The following RPUSD4 variants were observed in gnomAD, a reference collection of about 807,000 sequenced individuals.
RPUSD4 encodes the protein pseudouridylate synthase RPUSD4, mitochondrial.
In RPUSD4, 37 loss-of-function variants were observed where a neutral mutation model predicts 35.4. The ratio of observed to expected loss-of-function variants is 1.04; its 90% CI spans 0.80 to 1.37. The LOEUF (loss-of-function observed/expected upper bound fraction) is 1.37. Among genes scored for constraint, RPUSD4 ranks in the 40% most tolerant of loss-of-function variants. The probability of loss-of-function intolerance (pLI) is 0.00; values close to 1 mark genes in which losing one functional copy is unlikely to be tolerated. For synonymous variants in RPUSD4, 210 were observed against 192.7 expected, an observed-to-expected ratio of 1.09 and a Z score of -0.74; for missense variants, 507 against 484.9, an observed-to-expected ratio of 1.05 and a Z score of -0.43.
rs763986279 is a variant in RPUSD4 at position 126,210,861 on chromosome 11, T to C, written c.355+29A>G. On this transcript the variant is annotated intron_variant, in intron 2 of 6. Coordinates refer to ENST00000298317, the MANE Select transcript of RPUSD4 (RefSeq NM_032795.3). ...GGTTGTAGCAGAAAGCAGCTGCAGGTTCCTCCACCTTTCCCGCGTGGTCCT... is the reference window on the plus strand; with the variant it reads ...GGTTGTAGCAGAAAGCAGCTGCAGGCTCCTCCACCTTTCCCGCGTGGTCCT... 3.8e-6 allele frequency: 6 copies of C among 1,594,986 alleles called. No homozygotes were observed. The South Asian group carries it at 6.7e-5, about 18-fold the overall frequency.
intron 3 of RPUSD4, chr11:126,209,084 T>A (rs1361100767): frequency 6.4e-6 from 1 of 156,468 alleles, no homozygotes; most frequent in Non-Finnish European, 1.4e-5. Context: ...CTCAAACTCC[T>A]GGGCTCAAGT....
Position 126,211,538 on chromosome 11 carries a change from G to C in RPUSD4, c.101C>G (p.Ala34Gly), listed in dbSNP as rs755459209. 3.7e-6 allele frequency: 6 copies of C among 1,614,256 alleles called. No homozygotes were observed. The South Asian group carries it at 4.4e-5, about 12-fold the overall frequency. ...ATTTATGGCCGTAGAGGCAGCGGCA[G>C]CGGCACAAAATGGCTTTGAGACGAG... The part of the protein sequence containing the change: ...FTLVSKPFCA[A>G]AAASTAINAQ... The change falls in exon 1 of 7, where the codon GCT becomes GGT. Residue 34 changes from alanine to glycine, a missense_variant. Physicochemically the swap from Ala to Gly is moderately conservative, Grantham distance 60. Coordinates refer to ENST00000298317, the MANE Select transcript of RPUSD4 (RefSeq NM_032795.3).
chr11:126,202,328 G>A lies in RPUSD4; in HGVS notation c.*1090C>T, dbSNP rs1444747204. 6.6e-6 allele frequency: 1 copy of A among 152,258 alleles called. No homozygotes were observed. The highest frequency in any genetic ancestry group is 1.5e-5 in the Non-Finnish European group (1 of 68,060). The allele number at this position is 152,258 out of a possible 1,614,324, so 9.4% of individuals were successfully genotyped here. A position where few individuals can be genotyped will look rare whatever the true frequency, so the allele number is the denominator to read the frequency against. On this transcript the variant is annotated 3_prime_UTR_variant, in exon 7 of 7. Coordinates refer to ENST00000298317, the MANE Select transcript of RPUSD4 (RefSeq NM_032795.3). ...TGGACCAGCTGAGCAGGGAGGCCAAGGTCATTTCCATCTATCCCTAATGGT... is the reference window on the plus strand; with the variant it reads ...TGGACCAGCTGAGCAGGGAGGCCAAAGTCATTTCCATCTATCCCTAATGGT...
chr11:126,211,131 G>A, intron 1 of RPUSD4, 76 bp from the exon 2 acceptor site: 1 of 1,508,948 alleles, frequency 6.6e-7, no homozygotes, highest in Non-Finnish European at 9.1e-7. Context: ...AGGTCTGGGT[G>A]AGAATCTGAG....
rs747071058 is a variant in RPUSD4 at position 126,203,614 on chromosome 11, G to A, written c.938C>T (p.Ser313Leu). The A allele has an allele frequency of 2.3e-5, 37 of 1,613,998 alleles. No individual in the cohort carries two copies. Among genetic ancestry groups the A allele is most frequent in the African/African-American group, 1.2e-4 (9 of 74,904 alleles). The change falls in exon 7 of 7, where the codon TCG (serine) becomes TTG (leucine). Residue 313 changes from serine (S) to leucine (L), a missense_variant. By Grantham distance (145) the Ser-to-Leu change is moderately radical. Transcript: ENST00000298317. Reference sequence around the variant, plus strand: ...GTGAAGGGGGATGTAGCGGGCCTTCGACTGTTCTAGCCCCAGCTTCTTCAG... The same window carrying A: ...GTGAAGGGGGATGTAGCGGGCCTTCAACTGTTCTAGCCCCAGCTTCTTCAG... ...GTLKKLGLEQSKARYIPLHLH... is the reference protein window; with the variant it reads ...GTLKKLGLEQLKARYIPLHLH...
chr11:126,211,221 CG>C, intron 1 of RPUSD4, 166 bp from the exon 2 acceptor site: 1 of 943,186 alleles, frequency 1.1e-6, no homozygotes. Context: ...GTCTAACCTG[CG>C]TACCGACGCA....
chr11:126,204,820 C>G lies in RPUSD4; in HGVS notation c.797-492G>C, dbSNP rs564906574. ...GCTTCCCAAACTGAAACTCTGGACC[C>G]ATTAAACAACAATTCCCTATTTATC... On this transcript the variant is annotated intron_variant, in intron 5 of 6. Transcript: ENST00000298317. Among the ~76,000 whole-genome samples, 3 of 152,288 alleles carry G rather than the reference C, an allele frequency of 2.0e-5. No homozygotes were observed. In the South Asian group the frequency reaches 6.2e-4, roughly 32 times the overall value.
chr11:126,206,768 G>A lies in RPUSD4; in HGVS notation c.558-987C>T, dbSNP rs181750691. 2.7e-3 allele frequency among the ~76,000 whole-genome samples: 414 copies of A among 152,176 alleles called. 7 individuals are homozygous for A. The highest frequency in any genetic ancestry group is 0.01 in the Middle Eastern group (3 of 294). ...GGTCGGTTGTATAATCACTAACCAC[G>A]GGGTCAAAATCCTACTCACACACAC... On this transcript the variant is annotated intron_variant, in intron 3 of 6. Transcript: ENST00000298317.
intron 3 of RPUSD4, chr11:126,208,532 C>T (rs956812314): frequency 3.3e-5 from 5 of 152,220 alleles, no homozygotes; most frequent in African/African-American, 7.2e-5. Context: ...TTTTTGCTCA[C>T]GCATCTTTTT....
chr11:126,211,605 A>G lies in RPUSD4; in HGVS notation c.34T>C (p.Trp12Arg), dbSNP rs1949872352. Residue 12 changes from tryptophan to arginine, a missense_variant, in exon 1 of 7, where the codon TGG becomes CGG. Coordinates refer to ENST00000298317, the MANE Select transcript of RPUSD4 (RefSeq NM_032795.3). ...CAACCTTGGCCGTTTCCCCGGATCC[A>G]GGGGCCCGACGCGCTCCACCTGGGC... ...AAPRWSASGP[W>R]IRGNGQGCGS... is the part of the protein sequence containing the mutation. 1 of 1,614,018 alleles carries G rather than the reference A, an allele frequency of 6.2e-7. No homozygotes were observed.
chr11:126,202,303 T>C lies in RPUSD4; in HGVS notation c.*1115A>G, dbSNP rs1358609738. The C allele has an allele frequency of 6.6e-6, 1 of 152,274 alleles. No homozygotes were observed. The highest frequency in any genetic ancestry group is 1.5e-5 in the Non-Finnish European group (1 of 68,072). The allele number at this position is 152,274 out of a possible 1,614,324, so 9.4% of individuals were successfully genotyped here. On this transcript the variant is annotated 3_prime_UTR_variant, in exon 7 of 7. Transcript: ENST00000298317. ...TGCAAGAAACAAGGTGGAAACTAGATGGACCAGCTGAGCAGGGAGGCCAAG... is the reference window on the plus strand; with the variant it reads ...TGCAAGAAACAAGGTGGAAACTAGACGGACCAGCTGAGCAGGGAGGCCAAG...
chr11:126,211,088 T>C (rs754501849), intron 1 of RPUSD4, 33 bp from the exon 2 acceptor site: 2 of 1,606,716 alleles, frequency 1.2e-6, no homozygotes, highest in Admixed American at 3.3e-5. Flanking sequence ...GGGGAATGCC[T>C]GGTGCGGAAG....
rs761510585 is a variant in RPUSD4 at position 126,210,983 on chromosome 11, G to T, written c.262C>A (p.Pro88Thr). The change falls in exon 2 of 7, where the codon CCC (proline) becomes ACC (threonine). Residue 88 changes from proline (P) to threonine (T), a missense_variant. Coordinates refer to ENST00000298317, the MANE Select transcript of RPUSD4 (RefSeq NM_032795.3). ...GTCAGTGCCTTAGCAAGCACGTTGG[G>T]GTGGACTCGCTGCAGCTGCCGTGTG... ...RFTRQLQRVH[P>T]NVLAKALTRG... 6 of 1,613,964 alleles carry T rather than the reference G, an allele frequency of 3.7e-6. No individual in the cohort carries two copies. The South Asian group carries it at 5.5e-5, about 15-fold the overall frequency.
At chr11:126,210,198 G>A (rs1264455010) in intron 2 of RPUSD4, among the ~76,000 whole-genome samples, 1 of 151,972 alleles carries the variant, frequency 6.6e-6, no homozygotes, top group Non-Finnish European at 1.5e-5. Flanking sequence ...GTAAATATCT[G>A]GAAAACAACT....
In RPUSD4 at chr11:126,205,557, C is replaced by G; in HGVS notation, c.707G>C (p.Arg236Pro). 6.2e-7 allele frequency: 1 copy of G among 1,614,274 alleles called. No homozygotes were observed. Among genetic ancestry groups the G allele is most frequent in the Non-Finnish European group, 8.5e-7 (1 of 1,180,050 alleles). The change falls in exon 5 of 7, where the codon CGC becomes CCC. Residue 236 changes from arginine to proline, a missense_variant. Coordinates refer to ENST00000298317, the MANE Select transcript of RPUSD4 (RefSeq NM_032795.3). The stretch of plus-strand genomic sequence containing the variant: ...TACAGCAACTTGCGCATTCCGGCTG[C>G]GCCGCACTTTCACCATTTTCCCATC... ...MDDGKMVKVR[R>P]SRNAQVAVTQ...
intron 3 of RPUSD4, among the ~76,000 whole-genome samples, chr11:126,207,148 A>T (rs1949782108): frequency 1.3e-5 from 2 of 152,244 alleles, no homozygotes. Flanking sequence ...CACAAGAATC[A>T]ATCTTATTTA....
Position 126,205,584 on chromosome 11 carries a change from T to C in RPUSD4, c.680A>G (p.Asp227Gly). The C allele has an allele frequency of 2.5e-6, 4 of 1,614,166 alleles. No individual in the cohort carries two copies. Among genetic ancestry groups the C allele is most frequent in the Non-Finnish European group, 2.5e-6 (3 of 1,179,944 alleles). ...KMTLSPSYRM[D>G]DGKMVKVRRS... ...CCGCACTTTCACCATTTTCCCATCG[T>C]CCATGCGGTAGCTCGGGGACAATGT... The change falls in exon 5 of 7, where the codon GAC becomes GGC. Residue 227 changes from aspartate (D) to glycine (G), a missense_variant. Physicochemically the swap from Asp to Gly is moderately conservative, Grantham distance 94. Transcript: ENST00000298317.
chr11:126,210,060 A>G (rs1238535945), intron 2 of RPUSD4, among the ~76,000 whole-genome samples: 1 of 152,224 alleles, frequency 6.6e-6, no homozygotes, highest in African/African-American at 2.4e-5. Context: ...GCATTAAATA[A>G]GAGTGATTAG....
chr11:126,209,279 C>A lies in RPUSD4; in HGVS notation c.557+242G>T, dbSNP rs565420181. ...GTGCTGTGATTACAGGCGTGAGCCA[C>A]CATGTCCACCCCATGCTTGTATAAT... On this transcript the variant is annotated intron_variant, in intron 3 of 6. Transcript: ENST00000298317. 2.1e-4 allele frequency: 96 copies of A among 456,444 alleles called. 2 individuals are homozygous for A. In the South Asian group the frequency reaches 2.5e-3, roughly 12 times the overall value. The allele number at this position is 456,444 out of a possible 1,614,324, so 28.3% of individuals were successfully genotyped here.
Sources: allele counts gnomAD v4.1 joint callset (sites outside exome capture counted in the v4.1 genomes callset), GRCh38; gene constraint gnomAD v4.1.1; transcripts MANE v1.5; gene names NCBI Gene and HGNC (gene_info 2026-07-23, HGNC 2026-07-21).